The following OXR1 variants were observed in gnomAD, a reference collection of about 807,000 sequenced individuals.
OXR1 encodes oxidation resistance protein 1.
In OXR1, 41 loss-of-function variants were observed where a neutral mutation model predicts 104.6. The ratio of observed to expected loss-of-function variants is 0.39; its 90% confidence interval spans 0.31 to 0.51. OXR1 has a LOEUF of 0.51. Among genes scored for constraint, OXR1 ranks in the 20% least tolerant of loss-of-function variants. The probability of loss-of-function intolerance (pLI) is 0.77; values close to 1 mark genes in which losing one functional copy is unlikely to be tolerated. For missense variants in OXR1, 955 were observed against 1,031.9 expected (o/e 0.93, Z 1.02); for synonymous variants, 348 against 348.4 (o/e 1.00, Z 0.01).
chr8:106,333,019 T>C (rs899920665), intron 1 of OXR1, among the ~76,000 whole-genome samples: 3 of 152,204 alleles, frequency 2.0e-5, no homozygotes, highest in Non-Finnish European at 4.4e-5. Context: ...TGTGTGCATA[T>C]ACTATATTTT....
At chr8:106,642,600 AT>A (rs1823745192) in intron 3 of OXR1, among the ~76,000 whole-genome samples, 1 of 152,186 alleles carries the variant, frequency 6.6e-6, no homozygotes, top group Admixed American at 6.5e-5. Flanking sequence ...CAGTCCTTCC[AT>A]TGGCTAAAAA....
At chr8:106,386,919 A>G (rs1027828696) in intron 2 of OXR1, among the ~76,000 whole-genome samples, 2 of 152,220 alleles carry the variant, frequency 1.3e-5, no homozygotes, top group Non-Finnish European at 1.5e-5. Flanking sequence ...AAGAAGATTA[A>G]TATGAAATCA....
intron 3 of OXR1, among the ~76,000 whole-genome samples, chr8:106,673,667 T>C (rs1827270392): frequency 6.6e-6 from 1 of 152,082 alleles, no homozygotes. Flanking sequence ...GCCCTTCCCA[T>C]CACAGGCCTG....
At chr8:106,537,794 G>A (rs999532783) in intron 3 of OXR1, among the ~76,000 whole-genome samples, 2 of 152,066 alleles carry the variant, frequency 1.3e-5, no homozygotes, top group Non-Finnish European at 2.9e-5. Flanking sequence ...ATAGGTTCAG[G>A]GTTCAGAGAG....
chr8:106,375,250 A>G (rs1434792983), intron 2 of OXR1, among the ~76,000 whole-genome samples: 1 of 152,228 alleles, frequency 6.6e-6, no homozygotes, highest in African/African-American at 2.4e-5. Flanking sequence ...CACTGTAAAG[A>G]CGATGATATA....
chr8:106,307,236 TAA>T (rs1813500127), intron 1 of OXR1, among the ~76,000 whole-genome samples: 2 of 152,184 alleles, frequency 1.3e-5, no homozygotes, highest in African/African-American at 4.8e-5. Flanking sequence ...CTTTTCAGTA[TAA>T]GTTTGTCCAT....
chr8:106,466,883 AATAG>A (rs1341650018), intron 2 of OXR1, among the ~76,000 whole-genome samples: 1 of 151,924 alleles, frequency 6.6e-6, no homozygotes, highest in Non-Finnish European at 1.5e-5. Context: ...ATTGATGGCT[AATAG>A]ATATTTTTAT....
At chr8:106,496,738 G>T (rs1038738072) in intron 2 of OXR1, among the ~76,000 whole-genome samples, 11 of 152,218 alleles carry the variant, frequency 7.2e-5, no homozygotes, top group African/African-American at 4.8e-5. Context: ...GATACAGCAA[G>T]ATCTCAGAGA....
At chr8:106,310,495 T>C (rs558258353) in intron 1 of OXR1, among the ~76,000 whole-genome samples, 24 of 152,298 alleles carry the variant, frequency 1.6e-4, no homozygotes, top group Admixed American at 7.8e-4. Context: ...TCTCCTGTCT[T>C]GGATTTTCTC....
At chr8:106,694,873 A>AAT (rs1299794765) in intron 7 of OXR1, among the ~76,000 whole-genome samples, 1 of 93,592 alleles carries the variant, frequency 1.1e-5, no homozygotes, top group African/African-American at 4.8e-5. Flanking sequence ...ATTTATATAT[A>AAT]ATATATATAT....
intron 1 of OXR1, among the ~76,000 whole-genome samples, chr8:106,331,119 C>T (rs1163631578): frequency 1.3e-5 from 2 of 152,192 alleles, no homozygotes; most frequent in African/African-American, 2.4e-5. Context: ...TTGTTCAAGA[C>T]ATGCTTCTTA....
chr8:106,665,538 A>G (rs1355142430), intron 3 of OXR1, among the ~76,000 whole-genome samples: 1 of 152,234 alleles, frequency 6.6e-6, no homozygotes, highest in Non-Finnish European at 1.5e-5. Flanking sequence ...TATTTAAAGC[A>G]CCTTAGAAAG....
intron 3 of OXR1, among the ~76,000 whole-genome samples, chr8:106,586,202 C>A (rs1430378464): frequency 5.9e-5 from 9 of 152,006 alleles, no homozygotes; most frequent in Non-Finnish European, 1.3e-4. Flanking sequence ...GTAGTTGAGA[C>A]CAAGATGGTA....
chr8:106,550,426 A>G (rs1815714038), intron 3 of OXR1, among the ~76,000 whole-genome samples: 1 of 152,204 alleles, frequency 6.6e-6, no homozygotes, highest in African/African-American at 2.4e-5. Context: ...GACCTCCAGA[A>G]GCCTCACTCA....
chr8:106,618,176 G>A, intron 3 of OXR1: 1 of 1,535,912 alleles, frequency 6.5e-7, no homozygotes, highest in Non-Finnish European at 8.7e-7. Flanking sequence ...TGTTCTGCCA[G>A]CGCAAAGGTA....
chr8:106,274,637 A>G (rs1186057795), intron 1 of OXR1, among the ~76,000 whole-genome samples: 1 of 117,662 alleles, frequency 8.5e-6, no homozygotes, highest in Non-Finnish European at 1.6e-5. Flanking sequence ...CTGTGCATAC[A>G]AACACAAACA....
intron 11 of OXR1, among the ~76,000 whole-genome samples, chr8:106,731,626 A>G (rs1404741492): frequency 2.0e-5 from 3 of 152,072 alleles, no homozygotes; most frequent in Non-Finnish European, 1.5e-5. Flanking sequence ...AGTTGTTCCA[A>G]TACTATTGGG....
At chr8:106,349,493 A>G (rs1411528248) in intron 1 of OXR1, among the ~76,000 whole-genome samples, 1 of 152,140 alleles carries the variant, frequency 6.6e-6, no homozygotes, top group Non-Finnish European at 1.5e-5. Flanking sequence ...TGAGCAGTAA[A>G]CAAAGCAAAA....
At chr8:106,483,821 C>T (rs894572381) in intron 2 of OXR1, among the ~76,000 whole-genome samples, 1 of 151,946 alleles carries the variant, frequency 6.6e-6, no homozygotes, top group Non-Finnish European at 1.5e-5. Flanking sequence ...TCTGGGGAAC[C>T]AACCTCCCCC....
Sources: gnomAD v4.1 joint callset for allele counts (sites outside exome capture counted in the v4.1 genomes callset) on GRCh38, gnomAD v4.1.1 for gene constraint, MANE v1.5 for transcripts, NCBI Gene and HGNC (gene_info 2026-07-23, HGNC 2026-07-21) for gene names.